GJC1: variants seen among roughly 807,000 people sequenced by gnomAD.
GJC1 encodes the protein gap junction gamma-1 protein.
In GJC1, 5 loss-of-function variants were observed where a neutral mutation model predicts 29.3. That is an observed-to-expected ratio of 0.17 (90% CI 0.09 to 0.36). The LOEUF (loss-of-function observed/expected upper bound fraction) is 0.36. Among genes scored for constraint, GJC1 ranks in the 10% least tolerant of loss-of-function variants. GJC1 has a pLI of 1.00. For missense variants in GJC1, 310 were observed against 496.2 expected, an observed-to-expected ratio of 0.62 and a Z score of 3.56; for synonymous variants, 177 against 183.3, an observed-to-expected ratio of 0.97 and a Z score of 0.28.
Position 44,824,227 on chromosome 17 carries a change from C to T in GJC1, c.-97+5835G>A, listed in dbSNP as rs1249530034. Among the ~76,000 whole-genome samples the T allele has an allele frequency of 2.0e-5, 3 of 151,922 alleles. No individual in the cohort carries two copies. In the South Asian group the frequency reaches 6.2e-4, roughly 32 times the overall value. ...TTCACCATGTTGGCCAGGATGGTCT[C>T]GAACTCCTGACCTTGTGACCTGCCT... On this transcript the variant is annotated intron_variant, in intron 1 of 2. Transcript: ENST00000592524.
chr17:44,830,370 A>C, upstream of GJC1: 1 of 231,612 alleles, frequency 4.3e-6, no homozygotes. The surrounding 1 kb of genome is among the most constrained non-coding windows in gnomAD (Gnocchi z 4.3). Context: ...GTGGCGCTCG[A>C]GTGGGAGGGG....
Position 44,808,588 on chromosome 17 carries a change from A to AAAC in GJC1, c.-96-1122_-96-1120dup, listed in dbSNP as rs147095038. ...CAACATGTGAAACCTAGTCTTCACC[A>AAAC]AACAACAACAACAACACACACCCCC... is the stretch of plus-strand genomic sequence containing the variant. On this transcript the variant is annotated intron_variant, in intron 1 of 2. Transcript: ENST00000592524. Among the ~76,000 whole-genome samples, 984 of 152,080 alleles carry AAAC rather than the reference A, an allele frequency of 6.5e-3. 27 individuals are homozygous for AAAC. The highest frequency in any genetic ancestry group is 0.033 in the East Asian group (171 of 5,154).
At chr17:44,816,329 T>C (rs926252022) in intron 1 of GJC1, among the ~76,000 whole-genome samples, 5 of 152,012 alleles carry the variant, frequency 3.3e-5, no homozygotes, top group Admixed American at 3.3e-4. Context: ...TAGACACAAA[T>C]CTACCTTGTC....
chr17:44,828,444 G>A (rs2050198128), intron 1 of GJC1, among the ~76,000 whole-genome samples: 1 of 152,134 alleles, frequency 6.6e-6, no homozygotes, highest in Non-Finnish European at 1.5e-5. Flanking sequence ...ATGCACAACA[G>A]TTTAAGTAGT....
chr17:44,801,327 C>T lies in GJC1; in HGVS notation c.*3300G>A, dbSNP rs1321117072. 2 of 152,128 alleles carry T rather than the reference C, an allele frequency of 1.3e-5. No individual in the cohort carries two copies. The highest frequency in any genetic ancestry group is 2.4e-5 in the African/African-American group (1 of 41,418). 9.4% of individuals were successfully genotyped at this position (152,128 alleles called of 1,614,324 possible). On this transcript the variant is annotated 3_prime_UTR_variant, in exon 3 of 3. Transcript: ENST00000592524. ...AGGACACACCACATCTGCATAAATCCAAGTGTGTTAAGGAACATAATCATG... is the reference window on the plus strand; with the variant it reads ...AGGACACACCACATCTGCATAAATCTAAGTGTGTTAAGGAACATAATCATG...
downstream of GJC1, chr17:44,797,845 T>A (rs1356419384): frequency 6.6e-6 from 1 of 151,442 alleles, no homozygotes; most frequent in East Asian, 1.9e-4. Context: ...GCTCACAAAT[T>A]CATTACCAAA....
chr17:44,794,388 TAA>T (rs1272963999), downstream of GJC1: 1 of 152,228 alleles, frequency 6.6e-6, no homozygotes, highest in African/African-American at 2.4e-5. Flanking sequence ...CTTTTGCAGT[TAA>T]AAGTGTCTTC....
intron 1 of GJC1, among the ~76,000 whole-genome samples, chr17:44,814,025 G>C (rs532229650): frequency 1.3e-5 from 2 of 152,176 alleles, no homozygotes; most frequent in African/African-American, 4.8e-5. Context: ...GAAGTAGAAT[G>C]AGTAGAAGGC....
At chr17:44,814,334 G>C (rs1368537420) in intron 1 of GJC1, among the ~76,000 whole-genome samples, 11 of 151,516 alleles carry the variant, frequency 7.3e-5, no homozygotes, top group Non-Finnish European at 1.3e-4. Context: ...TAGAGATGGG[G>C]TTTCACCATG....
intron 1 of GJC1, among the ~76,000 whole-genome samples, chr17:44,810,612 T>G (rs1231363732): frequency 1.3e-5 from 2 of 152,074 alleles, no homozygotes; most frequent in East Asian, 3.9e-4. Context: ...CACAAAATGT[T>G]GAGAAGATCC....
At position 44,798,878 on chromosome 17, in the gene GJC1, CTTT is replaced by C. The variant is rs2049807128; in HGVS notation, c.*5746_*5748del. On this transcript the variant is annotated 3_prime_UTR_variant, in exon 3 of 3. Coordinates refer to ENST00000592524, the MANE Select transcript of GJC1 (RefSeq NM_005497.4). Reference sequence around the variant, plus strand: ...CAACTCTGAAATGCAGAACTAGTACCTTTTTTATTTGAGTCTCACTCCATCACC... The same window carrying C: ...CAACTCTGAAATGCAGAACTAGTACCTTTATTTGAGTCTCACTCCATCACC... The C allele has an allele frequency of 6.6e-6, 1 of 152,080 alleles. No individual in the cohort carries two copies. The highest frequency in any genetic ancestry group is 1.5e-5 in the Non-Finnish European group (1 of 68,026). The allele number at this position is 152,080 out of a possible 1,614,324, so 9.4% of individuals were successfully genotyped here. A position where few individuals can be genotyped will look rare whatever the true frequency, so the allele number is the denominator to read the frequency against.
chr17:44,825,900 T>C (rs1475104835), intron 1 of GJC1, among the ~76,000 whole-genome samples: 2 of 152,134 alleles, frequency 1.3e-5, no homozygotes. Flanking sequence ...TGGAGAAGAA[T>C]TCATTTACCA....
intron 1 of GJC1, among the ~76,000 whole-genome samples, chr17:44,823,989 G>T (rs2050141884): frequency 6.6e-6 from 1 of 151,468 alleles, no homozygotes; most frequent in African/African-American, 2.4e-5. Flanking sequence ...GGGATTACAA[G>T]GCGTGAGTCA....
rs143779675 is a variant in GJC1 at position 44,815,182 on chromosome 17, A to C, written c.-96-7713T>G. Among the ~76,000 whole-genome samples, 282 of 151,972 alleles carry C rather than the reference A, an allele frequency of 1.9e-3. 5 individuals carry two copies. The highest frequency in any genetic ancestry group is 0.017 in the Admixed American group (253 of 15,230). Reference sequence around the variant, plus strand: ...TCTTTTGCTAATTAGTAAAGCACCAATTTTTTATTATTTTTTTGAGGCTGG... The same window carrying C: ...TCTTTTGCTAATTAGTAAAGCACCACTTTTTTATTATTTTTTTGAGGCTGG... On this transcript the variant is annotated intron_variant, in intron 1 of 2. Coordinates refer to ENST00000592524, the MANE Select transcript of GJC1 (RefSeq NM_005497.4).
At chr17:44,827,143 C>T (rs1345093694) in intron 1 of GJC1, among the ~76,000 whole-genome samples, 1 of 152,090 alleles carries the variant, frequency 6.6e-6, no homozygotes, top group African/African-American at 2.4e-5. Context: ...AACCCCGTCT[C>T]TACTAAAAAA....
At chr17:44,811,447 G>A (rs1011156440) in intron 1 of GJC1, among the ~76,000 whole-genome samples, 5 of 149,438 alleles carry the variant, frequency 3.3e-5, no homozygotes, top group African/African-American at 9.9e-5. Flanking sequence ...GGAGTGCAGC[G>A]GCACCTGGGC....
At chr17:44,822,643 C>CAAAAAAA (rs11423012) in intron 1 of GJC1, among the ~76,000 whole-genome samples, 3 of 80,232 alleles carry the variant, frequency 3.7e-5, no homozygotes, top group Non-Finnish European at 6.8e-5. Flanking sequence ...AACTCCATCT[C>CAAAAAAA]AAAAAAAAAA....
downstream of GJC1, among the ~76,000 whole-genome samples, chr17:44,797,026 T>A (rs1327415254): frequency 3.9e-5 from 6 of 152,114 alleles, no homozygotes; most frequent in Non-Finnish European, 8.8e-5. Flanking sequence ...TTTTGCTTAT[T>A]TTTTGTAGAG....
upstream of GJC1, chr17:44,830,662 G>C (rs1229854802): frequency 5.0e-6 from 2 of 398,506 alleles, no homozygotes; most frequent in South Asian, 1.3e-4. The surrounding 1 kb of genome is among the most constrained non-coding windows in gnomAD (Gnocchi z 4.3). Flanking sequence ...TTGGTTTAGC[G>C]GGCCCAGAGT....
Sources: gnomAD v4.1 joint callset for allele counts (sites outside exome capture counted in the v4.1 genomes callset) on GRCh38, gnomAD v4.1.1 for gene constraint, Gnocchi (gnomAD v3.1) non-coding constraint, MANE v1.5 for transcripts, NCBI Gene and HGNC (gene_info 2026-07-23, HGNC 2026-07-21) for gene names.